RBMS1: variants seen among roughly 807,000 people sequenced by gnomAD.
RBMS1 encodes RNA-binding motif, single-stranded-interacting protein 1.
RBMS1 carries 17 observed loss-of-function variants against 62.3 expected under a neutral mutation model. The observed-to-expected ratio is 0.27, with a 90% CI of 0.19 to 0.41. The LOEUF is 0.41. Among genes scored for constraint, RBMS1 ranks in the 10% least tolerant of loss-of-function variants. The probability of loss-of-function intolerance (pLI) is 1.00; values close to 1 mark genes in which losing one functional copy is unlikely to be tolerated. For synonymous variants in RBMS1, 172 were observed against 170.0 expected, an observed-to-expected ratio of 1.01 and a Z score of -0.09; for missense variants, 334 against 504.5, an observed-to-expected ratio of 0.66 and a Z score of 3.24.
At chr2:160,293,650 C>A (rs921318754) in intron 6 of RBMS1, among the ~76,000 whole-genome samples, 1 of 152,170 alleles carries the variant, frequency 6.6e-6, no homozygotes. Flanking sequence ...ACTGAACACA[C>A]AGTTAGCCTT....
chr2:160,356,209 A>T (rs996547977), intron 2 of RBMS1, among the ~76,000 whole-genome samples: 1 of 152,098 alleles, frequency 6.6e-6, no homozygotes, highest in African/African-American at 2.4e-5. Flanking sequence ...GCTAACCAGG[A>T]GCTGAGTTTC....
chr2:160,290,936 T>G (rs923697693), intron 6 of RBMS1, among the ~76,000 whole-genome samples: 1 of 152,310 alleles, frequency 6.6e-6, no homozygotes, highest in Admixed American at 6.5e-5. Context: ...CAGGCTGACT[T>G]GCTGCCCATC....
chr2:160,367,900 G>A (rs72974962), intron 1 of RBMS1, among the ~76,000 whole-genome samples: 1,924 of 152,282 alleles, frequency 0.013, 31 homozygotes, highest in Middle Eastern at 0.061. Flanking sequence ...TTCTAAGACA[G>A]GCACACGACT....
At chr2:160,493,093 G>C in intron 1 of RBMS1, 196 bp downstream of exon 1, 2 of 529,602 alleles carry the variant, frequency 3.8e-6, no homozygotes, top group Non-Finnish European at 3.3e-6. Context: ...CCCGATCCCC[G>C]CACTCCGCTC....
chr2:160,400,656 T>C (rs1695388244), intron 1 of RBMS1, among the ~76,000 whole-genome samples: 1 of 152,080 alleles, frequency 6.6e-6, no homozygotes, highest in African/African-American at 2.4e-5. Flanking sequence ...TAGCTACGTT[T>C]CCCCCTCACT....
In RBMS1 at chr2:160,273,609, C is replaced by T. The variant is rs1687680813; in HGVS notation, c.*1163G>A. 6.6e-6 allele frequency: 1 copy of T among 152,092 alleles called. No individual in the cohort carries two copies. Among genetic ancestry groups the T allele is most frequent in the Non-Finnish European group, 1.5e-5 (1 of 68,008 alleles). The allele number at this position is 152,092 out of a possible 1,614,324, so 9.4% of individuals were successfully genotyped here. ...ACTTTTAGCTTTTGCCACTTTGTTG[C>T]AATAGCAACATTTTTCGGTTTGCCA... is the stretch of plus-strand genomic sequence containing the variant. On this transcript the variant is annotated 3_prime_UTR_variant, in exon 14 of 14. Transcript: ENST00000348849.
At chr2:160,482,246 C>T (rs1489540708) in intron 1 of RBMS1, among the ~76,000 whole-genome samples, 6 of 152,030 alleles carry the variant, frequency 3.9e-5, no homozygotes, top group Non-Finnish European at 5.9e-5. Context: ...TTATGATGTA[C>T]AAGAATGGAT....
At position 160,373,862 on chromosome 2, in the gene RBMS1, T is replaced by C. The variant is rs578015895; in HGVS notation, c.76-6471A>G. Among the ~76,000 whole-genome samples, 99 of 152,144 alleles carry C rather than the reference T, an allele frequency of 6.5e-4. 1 individual carries two copies. The South Asian group carries it at 0.02, about 31-fold the overall frequency. ...TGTAGTACAGTACAGTTTCTAAAAATAGAGTTCAACCAAGGGAAGATCAGG... is the reference window on the plus strand; with the variant it reads ...TGTAGTACAGTACAGTTTCTAAAAACAGAGTTCAACCAAGGGAAGATCAGG... On this transcript the variant is annotated intron_variant, in intron 1 of 13. Coordinates refer to ENST00000348849, the MANE Select transcript of RBMS1 (RefSeq NM_016836.4).
chr2:160,327,446 C>T (rs966022539), intron 2 of RBMS1, among the ~76,000 whole-genome samples: 2 of 152,030 alleles, frequency 1.3e-5, no homozygotes, highest in African/African-American at 4.8e-5. Flanking sequence ...TTGCCATAGA[C>T]TATGAAAAAT....
chr2:160,464,005 A>C (rs945239381), intron 1 of RBMS1, among the ~76,000 whole-genome samples: 1 of 152,200 alleles, frequency 6.6e-6, no homozygotes, highest in Non-Finnish European at 1.5e-5. Flanking sequence ...TACACAAAAC[A>C]CTATTTTACT....
At chr2:160,469,573 T>C (rs1684835846) in intron 1 of RBMS1, among the ~76,000 whole-genome samples, 1 of 152,214 alleles carries the variant, frequency 6.6e-6, no homozygotes, top group African/African-American at 2.4e-5. Flanking sequence ...TTTCCCATCT[T>C]GGTACCCACC....
intron 4 of RBMS1, among the ~76,000 whole-genome samples, chr2:160,304,505 G>T (rs1689390400): frequency 6.6e-6 from 1 of 152,202 alleles, no homozygotes; most frequent in Non-Finnish European, 1.5e-5. Flanking sequence ...CACATGAGCT[G>T]CATAATGACA....
chr2:160,403,371 T>C (rs1482915100), intron 1 of RBMS1, among the ~76,000 whole-genome samples: 2 of 152,230 alleles, frequency 1.3e-5, no homozygotes, highest in Admixed American at 6.5e-5. Context: ...ATATCTTCTA[T>C]GCACAAGTTT....
intron 9 of RBMS1, 59 bp from the exon 10 acceptor site, chr2:160,281,423 C>A: frequency 7.7e-7 from 1 of 1,300,290 alleles, no homozygotes; most frequent in Non-Finnish European, 1.1e-6. Flanking sequence ...TTACCTATTT[C>A]TTTAGAACTC....
intron 6 of RBMS1, among the ~76,000 whole-genome samples, chr2:160,294,460 A>C (rs1688835815): frequency 1.3e-5 from 2 of 152,212 alleles, no homozygotes; most frequent in African/African-American, 4.8e-5. Context: ...TATGGAAAGA[A>C]TATGGTGGCA....
intron 1 of RBMS1, among the ~76,000 whole-genome samples, chr2:160,436,024 T>G (rs1683095999): frequency 6.6e-6 from 1 of 152,182 alleles, no homozygotes; most frequent in Non-Finnish European, 1.5e-5. Context: ...CTACTTGACT[T>G]GAAAAAAGTT....
At position 160,436,285 on chromosome 2, in the gene RBMS1, T is replaced by G. The variant is rs545393894; in HGVS notation, c.75+57004A>C. Among the ~76,000 whole-genome samples the G allele has an allele frequency of 5.3e-5, 8 of 152,330 alleles. No homozygotes were observed. In the South Asian group the frequency reaches 1.7e-3, roughly 32 times the overall value. On this transcript the variant is annotated intron_variant, in intron 1 of 13. Coordinates refer to ENST00000348849, the MANE Select transcript of RBMS1 (RefSeq NM_016836.4). ...CTCTCCTCTTGGAAGCTGACCACCATGTAAAAAGTCCAAGTATCTTGAGAC... is the reference window on the plus strand; with the variant it reads ...CTCTCCTCTTGGAAGCTGACCACCAGGTAAAAAGTCCAAGTATCTTGAGAC...
At chr2:160,426,968 G>A (rs1369512670) in intron 1 of RBMS1, among the ~76,000 whole-genome samples, 2 of 152,166 alleles carry the variant, frequency 1.3e-5, no homozygotes, top group Admixed American at 6.5e-5. Flanking sequence ...AAGTAAGGCC[G>A]GAAACGGTTT....
At chr2:160,455,822 T>C (rs1361943169) in intron 1 of RBMS1, among the ~76,000 whole-genome samples, 3 of 151,682 alleles carry the variant, frequency 2.0e-5, no homozygotes, top group Non-Finnish European at 2.9e-5. Flanking sequence ...TAGCTGGGAC[T>C]ACAGGCGCCC....
Sources: gnomAD v4.1 joint callset for allele counts (sites outside exome capture counted in the v4.1 genomes callset) on GRCh38, gnomAD v4.1.1 for gene constraint, MANE v1.5 for transcripts, NCBI Gene and HGNC (gene_info 2026-07-23, HGNC 2026-07-21) for gene names.